Variants in ASTN2 observed in about 807,000 individuals in gnomAD.
ASTN2 encodes astrotactin-2.
ASTN2 carries 54 observed loss-of-function variants against 139.8 expected under a neutral mutation model. The ratio of observed to expected loss-of-function variants is 0.39; its 90% CI spans 0.31 to 0.48. ASTN2 has a LOEUF of 0.48. Among genes scored for constraint, ASTN2 ranks in the 20% least tolerant of loss-of-function variants. The pLI is 0.95. For missense variants in ASTN2, 1,565 were observed against 1,725.1 expected (o/e 0.91, Z 1.64); for synonymous variants, 756 against 719.5 (o/e 1.05, Z -0.81).
At chr9:117,046,818 A>G (rs578048456) in intron 5 of ASTN2, among the ~76,000 whole-genome samples, 1 of 152,356 alleles carries the variant, frequency 6.6e-6, no homozygotes, top group South Asian at 2.1e-4. Context: ...TAGGTGCTCA[A>G]TAAACATCTA....
intron 4 of ASTN2, among the ~76,000 whole-genome samples, chr9:117,103,439 C>T (rs528952881): frequency 6.6e-6 from 1 of 152,254 alleles, no homozygotes. Context: ...TGCTCTGGGG[C>T]TAATCAGGGC....
intron 7 of ASTN2, among the ~76,000 whole-genome samples, chr9:116,985,898 G>A (rs1588460448): frequency 6.6e-6 from 1 of 152,166 alleles, no homozygotes; most frequent in South Asian, 2.1e-4. Flanking sequence ...GACACAGCCT[G>A]GTAAGGGGAA....
intron 7 of ASTN2, among the ~76,000 whole-genome samples, chr9:116,993,355 G>T (rs1339747511): frequency 2.6e-5 from 4 of 151,844 alleles, no homozygotes; most frequent in Admixed American, 6.6e-5. Context: ...TATCCACAAG[G>T]CATGCTTTGC....
chr9:116,713,526 T>C (rs2132099474), intron 16 of ASTN2, among the ~76,000 whole-genome samples: 1 of 152,316 alleles, frequency 6.6e-6, no homozygotes, highest in African/African-American at 2.4e-5. Flanking sequence ...GCTTACATCC[T>C]GCCGATCAAT....
chr9:117,185,860 A>G (rs575119778), intron 3 of ASTN2, among the ~76,000 whole-genome samples: 228 of 152,328 alleles, frequency 1.5e-3, no homozygotes, highest in African/African-American at 5.4e-3. Context: ...TAGCAGAGCT[A>G]CTTGAGGCAG....
chr9:116,642,146 C>CAAAACAAAAAAAACAAACA (rs1564176273), intron 17 of ASTN2, among the ~76,000 whole-genome samples: 2,777 of 120,336 alleles, frequency 0.023, 158 homozygotes, highest in African/African-American at 0.082. Context: ...AAAAAAAAAA[C>CAAAACAAAAAAAACAAACA]AAAAAAAAAC....
intron 3 of ASTN2, chr9:117,180,796 A>G: frequency 1.3e-6 from 2 of 1,542,214 alleles, no homozygotes; most frequent in Non-Finnish European, 1.8e-6. Flanking sequence ...CTCAGCCACC[A>G]TGTCTTCAAA....
chr9:116,763,588 GT>G (rs1389774017), intron 13 of ASTN2, among the ~76,000 whole-genome samples: 1 of 152,234 alleles, frequency 6.6e-6, no homozygotes, highest in East Asian at 1.9e-4. Context: ...GCCTCGGTTT[GT>G]TTAAGGATGT....
At chr9:116,970,357 G>A (rs1426126845) in intron 10 of ASTN2, among the ~76,000 whole-genome samples, 2 of 152,106 alleles carry the variant, frequency 1.3e-5, no homozygotes, top group Non-Finnish European at 2.9e-5. Context: ...CTGGTCCAGG[G>A]AATACACTTT....
chr9:116,578,422 C>A (rs569076725), intron 19 of ASTN2, among the ~76,000 whole-genome samples: 15 of 152,086 alleles, frequency 9.9e-5, no homozygotes, highest in Middle Eastern at 3.4e-3. Context: ...GAATATCTAC[C>A]ACGGGCTACA....
rs148317516 is a variant in ASTN2, at chr9:117,280,355, T to C, written c.630+10971A>G. Among the ~76,000 whole-genome samples the C allele has an allele frequency of 2.5e-3, 378 of 152,254 alleles. 2 individuals carry two copies. Among genetic ancestry groups the C allele is most frequent in the Middle Eastern group, 3.4e-3 (1 of 294 alleles). On this transcript the variant is annotated intron_variant, in intron 2 of 22. Transcript: ENST00000313400. ...CCAGAAAGATATGCCCACACCCTAA[T>C]CCCTGGAGTTTGTGAATGTTATCTT... is the stretch of plus-strand genomic sequence containing the variant.
chr9:117,261,928 T>C (rs1351502512), intron 2 of ASTN2, among the ~76,000 whole-genome samples: 1 of 152,242 alleles, frequency 6.6e-6, no homozygotes, highest in Non-Finnish European at 1.5e-5. Context: ...AAGACTGTGA[T>C]AGAATCTATT....
rs571373263 is a variant in ASTN2, at chr9:116,708,803, T to G, written c.2806+16968A>C. Among the ~76,000 whole-genome samples, 3 of 152,306 alleles carry G rather than the reference T, an allele frequency of 2.0e-5. No individual in the cohort carries two copies. In the East Asian group the frequency reaches 5.8e-4, roughly 29 times the overall value. ...TTTTGAGTTCTGGAGACAGCATATT[T>G]CTCATTTACAAATTTTACTTAAACC... On this transcript the variant is annotated intron_variant, in intron 16 of 22. Coordinates refer to ENST00000313400, the MANE Select transcript of ASTN2 (RefSeq NM_001365068.1).
chr9:117,050,609 G>GGAACAGAGCTAGAATAT (rs1263433898), intron 5 of ASTN2, among the ~76,000 whole-genome samples: 3 of 152,094 alleles, frequency 2.0e-5, no homozygotes, highest in African/African-American at 7.2e-5. Flanking sequence ...TGACTAGTAA[G>GGAACAGAGCTAGAATAT]GAACAGAGCT....
At chr9:117,308,786 A>G (rs966085399) in intron 1 of ASTN2, among the ~76,000 whole-genome samples, 4 of 152,108 alleles carry the variant, frequency 2.6e-5, no homozygotes, top group Admixed American at 2.0e-4. Context: ...AAAAAAAATA[A>G]CAAACACTGA....
chr9:117,196,220 G>A (rs1488868434), intron 3 of ASTN2, among the ~76,000 whole-genome samples: 2 of 152,002 alleles, frequency 1.3e-5, no homozygotes, highest in Non-Finnish European at 2.9e-5. Context: ...TGTACAGTAG[G>A]GATAACATTA....
intron 20 of ASTN2, among the ~76,000 whole-genome samples, chr9:116,451,882 GA>G (rs35656090): frequency 0.16 from 23,374 of 146,520 alleles, 2,238 homozygotes; most frequent in Middle Eastern, 0.25. Context: ...GACCCCTCTT[GA>G]AAAAAAAAAA....
At chr9:116,531,178 A>T (rs180926662) in intron 19 of ASTN2, among the ~76,000 whole-genome samples, 1 of 152,086 alleles carries the variant, frequency 6.6e-6, no homozygotes, top group Non-Finnish European at 1.5e-5. Context: ...AACACTTATC[A>T]TCTGTGTTGT....
intron 16 of ASTN2, among the ~76,000 whole-genome samples, chr9:116,701,838 G>T (rs1827820787): frequency 6.6e-6 from 1 of 150,964 alleles, no homozygotes; most frequent in African/African-American, 2.4e-5. Flanking sequence ...TGCAGACTAG[G>T]GCCCCAAGAA....
Sources: allele counts gnomAD v4.1 joint callset (sites outside exome capture counted in the v4.1 genomes callset), GRCh38; gene constraint gnomAD v4.1.1; transcripts MANE v1.5; gene names NCBI Gene and HGNC (gene_info 2026-07-23, HGNC 2026-07-21).